RPS6KA2: variants seen among roughly 807,000 people sequenced by gnomAD.
The protein encoded by RPS6KA2 is ribosomal protein S6 kinase A2, also known as ribosomal protein S6 kinase alpha-2.
RPS6KA2 carries 42 observed loss-of-function variants against 91.8 expected under a neutral mutation model. The observed-to-expected ratio is 0.46, with a 90% CI of 0.36 to 0.59. RPS6KA2 has a LOEUF of 0.59. Among genes scored for constraint, RPS6KA2 ranks in the 20% least tolerant of loss-of-function variants. The pLI is 0.00. For synonymous variants in RPS6KA2, 414 were observed against 393.6 expected (o/e 1.05, Z -0.61); for missense variants, 798 against 978.5 (o/e 0.82, Z 2.46).
At chr6:166,625,796 C>T (rs924278622) in intron 1 of RPS6KA2, among the ~76,000 whole-genome samples, 1 of 152,128 alleles carries the variant, frequency 6.6e-6, no homozygotes, top group Non-Finnish European at 1.5e-5. Context: ...GTTTTACCCT[C>T]GGGAACCGGC....
At chr6:166,727,321 C>CAA (rs780679167) in intron 2 of RPS6KA2, among the ~76,000 whole-genome samples, 1,407 of 101,994 alleles carry the variant, frequency 0.014, 8 homozygotes, top group African/African-American at 0.033. Context: ...AACAAACAAA[C>CAA]ACACACACAC....
In RPS6KA2 at chr6:166,493,760, C is replaced by G. The variant is rs941735475; in HGVS notation, c.748-3019G>C. Among the ~76,000 whole-genome samples, 1 of 152,180 alleles carries G rather than the reference C, an allele frequency of 6.6e-6. No individual in the cohort carries two copies. The highest frequency in any genetic ancestry group is 1.5e-5 in the Non-Finnish European group (1 of 68,024). On this transcript the variant is annotated intron_variant, in intron 8 of 20. Transcript: ENST00000265678. The surrounding 1 kb of genome is among the most constrained non-coding windows in gnomAD (Gnocchi z 4.7). ...AGGGGACATTTCCGGCTGTCATGCCCGGGAGCCCTGGTGCTACAGGCGTCC... is the reference window on the plus strand; with the variant it reads ...AGGGGACATTTCCGGCTGTCATGCCGGGGAGCCCTGGTGCTACAGGCGTCC...
At chr6:166,713,751 G>A (rs568048168) in intron 2 of RPS6KA2, among the ~76,000 whole-genome samples, 4 of 152,304 alleles carry the variant, frequency 2.6e-5, no homozygotes, top group African/African-American at 7.2e-5. Flanking sequence ...TGAAATATCC[G>A]GAGGGAAGCA....
At chr6:166,429,989 G>A (rs939688193) in intron 16 of RPS6KA2, among the ~76,000 whole-genome samples, 4 of 148,584 alleles carry the variant, frequency 2.7e-5, no homozygotes, top group Non-Finnish European at 4.4e-5. Context: ...ATGGAGTCTC[G>A]TCCTGTCACG....
chr6:166,688,826 C>T (rs78307499), intron 2 of RPS6KA2, among the ~76,000 whole-genome samples: 9,402 of 152,324 alleles, frequency 0.062, 357 homozygotes, highest in Non-Finnish European at 0.091. Context: ...GGGCCATCTC[C>T]TGTCTCAGTT....
At chr6:166,670,201 C>T (rs1341904544) in intron 2 of RPS6KA2, among the ~76,000 whole-genome samples, 1 of 152,242 alleles carries the variant, frequency 6.6e-6, no homozygotes, top group Non-Finnish European at 1.5e-5. Flanking sequence ...AGTGGAAAAT[C>T]ACACTCATCC....
rs1190951317 is a variant in RPS6KA2 at position 166,849,082 on chromosome 6, T to G, written c.123+9118A>C. On this transcript the variant is annotated intron_variant, in intron 2 of 21. Transcript: ENST00000503859. The surrounding 1 kb of genome is among the most constrained non-coding windows in gnomAD (Gnocchi z 4.9). Reference sequence around the variant, plus strand: ...TCTCCACATGCATCTCAGGCCAGCCTGGGCAGCCCCAGGCCTGCACATGGT... The same window carrying G: ...TCTCCACATGCATCTCAGGCCAGCCGGGGCAGCCCCAGGCCTGCACATGGT... 6.6e-6 allele frequency among the ~76,000 whole-genome samples: 1 copy of G among 152,128 alleles called. No individual in the cohort carries two copies. Among genetic ancestry groups the G allele is most frequent in the East Asian group, 1.9e-4 (1 of 5,188 alleles).
At chr6:166,586,136 A>G in intron 1 of RPS6KA2, 1 of 1,515,340 alleles carries the variant, frequency 6.6e-7, no homozygotes, top group Non-Finnish European at 8.8e-7. Flanking sequence ...AGTAACCGTA[A>G]GGAGGCCGCT....
chr6:166,777,233 C>T (rs938507684), intron 2 of RPS6KA2, among the ~76,000 whole-genome samples: 1 of 152,250 alleles, frequency 6.6e-6, no homozygotes, highest in Non-Finnish European at 1.5e-5. Context: ...GTTAACAATA[C>T]ATGGATTTTA....
intron 1 of RPS6KA2, among the ~76,000 whole-genome samples, chr6:166,577,522 C>G (rs1784872381): frequency 6.6e-6 from 1 of 152,202 alleles, no homozygotes; most frequent in African/African-American, 2.4e-5. Context: ...TTTTGGAGCT[C>G]TAAAGTTTGA....
intron 15 of RPS6KA2, 107 bp downstream of exon 15, chr6:166,432,294 T>C (rs890893867): frequency 1.5e-5 from 11 of 734,360 alleles, no homozygotes; most frequent in Admixed American, 9.1e-5. Context: ...GGAAACCAGC[T>C]GAGACAGGCA....
At chr6:166,719,549 G>A (rs567947500) in intron 2 of RPS6KA2, among the ~76,000 whole-genome samples, 206 of 152,278 alleles carry the variant, frequency 1.4e-3, no homozygotes, top group African/African-American at 4.9e-3. Context: ...TGTCTGTGAC[G>A]ATGTATCTAT....
At chr6:166,693,595 A>C (rs1160000838) in intron 2 of RPS6KA2, among the ~76,000 whole-genome samples, 1 of 152,188 alleles carries the variant, frequency 6.6e-6, no homozygotes, top group Admixed American at 6.5e-5. Flanking sequence ...GGGTACACTC[A>C]ATTTGTTCAT....
intron 2 of RPS6KA2, among the ~76,000 whole-genome samples, chr6:166,844,069 TA>T: frequency 6.6e-6 from 1 of 151,548 alleles, no homozygotes; most frequent in African/African-American, 2.4e-5. Flanking sequence ...ATAGCATAAA[TA>T]AAAAAATAAT....
At chr6:166,663,540 C>T (rs1788221414) in intron 2 of RPS6KA2, among the ~76,000 whole-genome samples, 1 of 152,186 alleles carries the variant, frequency 6.6e-6, no homozygotes, top group South Asian at 2.1e-4. Flanking sequence ...CAGGGTTATT[C>T]CCCTCTTTGG....
chr6:166,502,514 G>A (rs542344684), intron 6 of RPS6KA2, among the ~76,000 whole-genome samples: 3 of 152,280 alleles, frequency 2.0e-5, no homozygotes, highest in East Asian at 1.9e-4. Context: ...AATGAGAACC[G>A]GCACTCCCGG....
chr6:166,800,262 C>T (rs936721370), intron 2 of RPS6KA2, among the ~76,000 whole-genome samples: 14 of 152,204 alleles, frequency 9.2e-5, no homozygotes, highest in South Asian at 6.2e-4. Context: ...GGCTCTGACA[C>T]GTTGCCACTG....
chr6:166,469,218 A>C (rs1012677991), intron 11 of RPS6KA2, among the ~76,000 whole-genome samples: 6 of 152,292 alleles, frequency 3.9e-5, no homozygotes, highest in Middle Eastern at 3.4e-3. Flanking sequence ...GTGAGATACG[A>C]GAACTTCTCA....
intron 17 of RPS6KA2, among the ~76,000 whole-genome samples, chr6:166,421,363 G>A (rs1778713443): frequency 6.6e-6 from 1 of 152,226 alleles, no homozygotes; most frequent in Non-Finnish European, 1.5e-5. Flanking sequence ...TAGGCGTGAG[G>A]GGCGCTGAGC....
Sources: gnomAD v4.1 joint callset for allele counts (sites outside exome capture counted in the v4.1 genomes callset) on GRCh38, gnomAD v4.1.1 for gene constraint, Gnocchi (gnomAD v3.1) non-coding constraint, MANE v1.5 for transcripts, NCBI Gene and HGNC (gene_info 2026-07-23, HGNC 2026-07-21) for gene names.